RPGRIP1L: variants seen among roughly 807,000 people sequenced by gnomAD.
RPGRIP1L encodes protein fantom.
In RPGRIP1L, 131 loss-of-function variants were observed where a neutral mutation model predicts 160.4. The ratio of observed to expected loss-of-function variants is 0.82; its 90% CI spans 0.71 to 0.94. RPGRIP1L has a LOEUF of 0.94. RPGRIP1L is among the 40% of genes least tolerant of loss of function. The pLI, the probability that RPGRIP1L is intolerant of heterozygous loss-of-function variation, is 0.00. For missense variants in RPGRIP1L, 1,522 were observed against 1,535.8 expected (o/e 0.99, Z 0.15); for synonymous variants, 510 against 515.8 (o/e 0.99, Z 0.15).
rs116716677 is a variant in RPGRIP1L at position 53,689,129 on chromosome 16, A to G, written c.530-1164T>C. ...AAAACCTTTTAAAGATTGATACATA[A>G]TATTTGTACATATCACTGGGGTACA... is the stretch of plus-strand genomic sequence containing the variant. On this transcript the variant is annotated intron_variant, in intron 4 of 26. Coordinates refer to ENST00000647211, the MANE Select transcript of RPGRIP1L (RefSeq NM_015272.5). Among the ~76,000 whole-genome samples the G allele has an allele frequency of 7.9e-3, 1,191 of 150,958 alleles. 14 individuals are homozygous for G. Among genetic ancestry groups the G allele is most frequent in the African/African-American group, 0.027 (1,113 of 41,274 alleles).
At chr16:53,653,506 C>T (rs938255491) in intron 14 of RPGRIP1L, 1 of 210,318 alleles carries the variant, frequency 4.8e-6, no homozygotes, top group Non-Finnish European at 8.3e-6. Flanking sequence ...ATCTGCCTTG[C>T]TTTTCTGTGA....
At chr16:53,685,972 C>A (rs9925278) in intron 6 of RPGRIP1L, among the ~76,000 whole-genome samples, 7,542 of 152,210 alleles carry the variant, frequency 0.05, 620 homozygotes, top group African/African-American at 0.17. Context: ...CAACAGATTG[C>A]AATCCAAACT....
At chr16:53,635,878 T>C (rs1965805630) in intron 22 of RPGRIP1L, among the ~76,000 whole-genome samples, 2 of 152,190 alleles carry the variant, frequency 1.3e-5, no homozygotes, top group African/African-American at 2.4e-5. Context: ...TTAAAAAATA[T>C]AATTTTCTTC....
Position 53,611,100 on chromosome 16 carries a change from G to C in RPGRIP1L, c.3617-49C>G. 3 of 1,205,950 alleles carry C rather than the reference G, an allele frequency of 2.5e-6. No individual in the cohort carries two copies. In the South Asian group the frequency reaches 3.6e-5, roughly 15 times the overall value. 74.7% of individuals were successfully genotyped at this position (1,205,950 alleles called of 1,614,324 possible). A position where few individuals can be genotyped will look rare whatever the true frequency, so the allele number is the denominator to read the frequency against. ...CCAAAAAGGAAGTCACTCAGGAATA[G>C]GCTACATTAGTACCATTCTGTATTT... is the stretch of plus-strand genomic sequence containing the variant. On this transcript the variant is annotated intron_variant, in intron 24 of 26. Coordinates refer to ENST00000647211, the MANE Select transcript of RPGRIP1L (RefSeq NM_015272.5).
chr16:53,616,609 G>T (rs902527152), intron 24 of RPGRIP1L, among the ~76,000 whole-genome samples: 2 of 152,018 alleles, frequency 1.3e-5, no homozygotes, highest in African/African-American at 4.8e-5. Flanking sequence ...AATTTCATTA[G>T]ATAGGAAGAG....
At chr16:53,687,095 G>A (rs1412802519) in intron 5 of RPGRIP1L, among the ~76,000 whole-genome samples, 1 of 152,018 alleles carries the variant, frequency 6.6e-6, no homozygotes, top group Non-Finnish European at 1.5e-5. Flanking sequence ...CAGGTAACAA[G>A]GTTATGTCTA....
intron 22 of RPGRIP1L, among the ~76,000 whole-genome samples, chr16:53,624,599 T>C (rs1964954330): frequency 6.6e-6 from 1 of 152,086 alleles, no homozygotes; most frequent in South Asian, 2.1e-4. Context: ...TATTATTAAC[T>C]GCCGAGAAAT....
intron 10 of RPGRIP1L, among the ~76,000 whole-genome samples, chr16:53,661,524 A>C (rs1413349029): frequency 3.3e-5 from 5 of 152,168 alleles, no homozygotes; most frequent in Non-Finnish European, 7.4e-5. Context: ...AGGCAAATAT[A>C]GTCCGAAGTA....
chr16:53,700,654 T>C lies in RPGRIP1L; in HGVS notation c.70A>G (p.Met24Val), dbSNP rs1971327060. ...VKDTGLNLFG[M>V]GGLQETSTTR... ...CTGGCCATACCTTGTAACCCTCCCA[T>C]TCCAAAGAGGTTTAGACCTGTATCT... is the stretch of plus-strand genomic sequence containing the variant. Residue 24 changes from methionine (M) to valine (V), a missense_variant, in exon 2 of 27, where the codon ATG (methionine) becomes GTG (valine). Physicochemically the swap from Met to Val is conservative, Grantham distance 21. Coordinates refer to ENST00000647211, the MANE Select transcript of RPGRIP1L (RefSeq NM_015272.5). 6.2e-7 allele frequency: 1 copy of C among 1,612,580 alleles called. No homozygotes were observed. Among genetic ancestry groups the C allele is most frequent in the Non-Finnish European group, 8.5e-7 (1 of 1,179,070 alleles).
chr16:53,656,050 A>G (rs1306779113), intron 14 of RPGRIP1L, among the ~76,000 whole-genome samples: 2 of 152,232 alleles, frequency 1.3e-5, no homozygotes, highest in East Asian at 3.9e-4. Flanking sequence ...TGCTTAGAAG[A>G]GAAATTAAAA....
rs1966761760 is a variant in RPGRIP1L at position 53,648,860 on chromosome 16, A to G, written c.2304+104T>C. ...ACTTCAAAATAAAAGTTAAAAAAAG[A>G]CACTTGATGGCTGTGAAAATGATTT... is the stretch of plus-strand genomic sequence containing the variant. On this transcript the variant is annotated intron_variant, in intron 16 of 26. Coordinates refer to ENST00000647211, the MANE Select transcript of RPGRIP1L (RefSeq NM_015272.5). The G allele has an allele frequency of 5.8e-6, 6 of 1,041,322 alleles. No individual in the cohort carries two copies. The East Asian group carries it at 1.5e-4, about 26-fold the overall frequency. 64.5% of individuals were successfully genotyped at this position (1,041,322 alleles called of 1,614,324 possible). A position where few individuals can be genotyped will look rare whatever the true frequency, so the allele number is the denominator to read the frequency against.
At chr16:53,667,720 A>G (rs986764736) in intron 9 of RPGRIP1L, among the ~76,000 whole-genome samples, 1 of 152,068 alleles carries the variant, frequency 6.6e-6, no homozygotes, top group Admixed American at 6.6e-5. Flanking sequence ...TAAAAATACA[A>G]AAATTAGGCA....
intron 14 of RPGRIP1L, 76 bp from the exon 15 acceptor site, chr16:53,653,063 A>C: frequency 8.4e-7 from 1 of 1,194,450 alleles, no homozygotes; most frequent in East Asian, 2.4e-5. Flanking sequence ...TTGAAGTGTA[A>C]GAATGAGTAC....
chr16:53,684,421 T>C (rs1969839184), intron 6 of RPGRIP1L, among the ~76,000 whole-genome samples: 1 of 152,228 alleles, frequency 6.6e-6, no homozygotes, highest in Non-Finnish European at 1.5e-5. Context: ...CCTTAAAAAA[T>C]GATGAGTTCA....
chr16:53,658,414 C>A lies in RPGRIP1L; in HGVS notation c.1401G>T (p.Lys467Asn). 1.9e-6 allele frequency: 3 copies of A among 1,608,782 alleles called. No homozygotes were observed. Among genetic ancestry groups the A allele is most frequent in the Non-Finnish European group, 2.6e-6 (3 of 1,175,392 alleles). ...DELSEALLLI[K>N]AQKEQKNGDL... ...ATCACGATGAAGTTCAGAACCTTACCTTTATAAGTAGGAGAGCTTCACTCA... is the reference window on the plus strand; with the variant it reads ...ATCACGATGAAGTTCAGAACCTTACATTTATAAGTAGGAGAGCTTCACTCA... The change falls in exon 12 of 27, where the codon AAG becomes AAT. Residue 467 changes from lysine (K) to asparagine (N), a missense_variant and splice_region_variant. Physicochemically the swap from Lys to Asn is moderately conservative, Grantham distance 94. Coordinates refer to ENST00000647211, the MANE Select transcript of RPGRIP1L (RefSeq NM_015272.5).
chr16:53,620,733 A>G (rs550015792), intron 23 of RPGRIP1L, among the ~76,000 whole-genome samples: 11 of 152,338 alleles, frequency 7.2e-5, no homozygotes, highest in African/African-American at 2.2e-4. Flanking sequence ...TCACGTGCAT[A>G]AAAAATGAAG....
rs917047614 is a variant in RPGRIP1L at position 53,618,892 on chromosome 16, A to T, written c.3616+133T>A. On this transcript the variant is annotated intron_variant, in intron 24 of 26. Transcript: ENST00000647211. ...TTATGCTACTGGTTTGACTTTTATTAATCAATTCTGACAAGACTTCCATGA... is the reference window on the plus strand; with the variant it reads ...TTATGCTACTGGTTTGACTTTTATTTATCAATTCTGACAAGACTTCCATGA... 9.8e-6 allele frequency: 8 copies of T among 817,164 alleles called. No individual in the cohort carries two copies. In the African/African-American group the frequency reaches 1.4e-4, roughly 14 times the overall value. The allele number at this position is 817,164 out of a possible 1,614,324, so 50.6% of individuals were successfully genotyped here. A position where few individuals can be genotyped will look rare whatever the true frequency, so the allele number is the denominator to read the frequency against.
At chr16:53,627,315 G>A (rs1291233362) in intron 22 of RPGRIP1L, among the ~76,000 whole-genome samples, 1 of 152,152 alleles carries the variant, frequency 6.6e-6, no homozygotes, top group Admixed American at 6.5e-5. Flanking sequence ...GATTACAGGT[G>A]AGCTTAATTT....
At position 53,645,651 on chromosome 16, in the gene RPGRIP1L, G is replaced by A. The variant is rs762304207; in HGVS notation, c.2657C>T (p.Ser886Leu). 67 of 1,613,602 alleles carry A rather than the reference G, an allele frequency of 4.2e-5. No homozygotes were observed. Among genetic ancestry groups the A allele is most frequent in the Non-Finnish European group, 5.3e-5 (62 of 1,179,920 alleles). ...TGAGATACACCTGTCATGTGCCAAC[G>A]AAATCAGAGGCACATTGACTTTTCC... Reference protein sequence around the residue: ...YIGKVNVPLISLAHDRCISGI... With the variant: ...YIGKVNVPLILLAHDRCISGI... The change falls in exon 17 of 27, where the codon TCG (serine) becomes TTG (leucine). Residue 886 changes from serine to leucine, a missense_variant. Coordinates refer to ENST00000647211, the MANE Select transcript of RPGRIP1L (RefSeq NM_015272.5).
Sources: allele counts gnomAD v4.1 joint callset (sites outside exome capture counted in the v4.1 genomes callset), GRCh38; gene constraint gnomAD v4.1.1; transcripts MANE v1.5; gene names NCBI Gene and HGNC (gene_info 2026-07-23, HGNC 2026-07-21).